RYK: variants seen among roughly 807,000 people sequenced by gnomAD.
RYK encodes inactive tyrosine-protein kinase RYK.
In RYK, 21 loss-of-function variants were observed where a neutral mutation model predicts 70.2. That is an observed-to-expected ratio of 0.30 (90% CI 0.21 to 0.43). RYK has a LOEUF of 0.43. Ranked by LOEUF, RYK falls within the 20% of genes least tolerant of loss-of-function variation. The pLI, the probability that RYK is intolerant of heterozygous loss-of-function variation, is 1.00. For synonymous variants in RYK, 267 were observed against 278.0 expected, an observed-to-expected ratio of 0.96 and a Z score of 0.39; for missense variants, 604 against 753.3, an observed-to-expected ratio of 0.80 and a Z score of 2.32.
At chr3:134,230,449 C>T (rs58703957) in intron 1 of RYK, among the ~76,000 whole-genome samples, 12,265 of 152,088 alleles carry the variant, frequency 0.081, 1,065 homozygotes, top group South Asian at 0.32. Context: ...AACAGATGAA[C>T]GGATAACCAA....
At position 134,222,523 on chromosome 3, in the gene RYK, A is replaced by G. The variant is rs774267206; in HGVS notation, c.249T>C (p.Leu83=). Residue 83 remains leucine, a synonymous_variant, in exon 2 of 15, where the codon CTT becomes CTC. Coordinates refer to ENST00000623711, the MANE Select transcript of RYK (RefSeq NM_002958.4). ...VRRLIGLDAE[L]YYVRNDLISH... ...TAATAAGGTCATTTCTCACATAATA[A>G]AGTTCTGCATCAAGACCTAGAAAAA... The G allele has an allele frequency of 2.4e-5, 39 of 1,610,718 alleles. No homozygotes were observed. Among genetic ancestry groups the G allele is most frequent in the Admixed American group, 3.3e-5 (2 of 59,794 alleles).
chr3:134,241,154 G>A (rs555344761), intron 1 of RYK, among the ~76,000 whole-genome samples: 17 of 142,344 alleles, frequency 1.2e-4, no homozygotes, highest in African/African-American at 4.0e-4. Context: ...GGCCAACATG[G>A]TGAAACGCCA....
At chr3:134,202,479 GA>G (rs960852483) in intron 6 of RYK, 2 of 405,820 alleles carry the variant, frequency 4.9e-6, no homozygotes, top group African/African-American at 4.2e-5. Flanking sequence ...AAAGGGAATA[GA>G]AAAAACTACT....
chr3:134,162,621 C>G (rs574495680), intron 13 of RYK, among the ~76,000 whole-genome samples: 16 of 152,252 alleles, frequency 1.1e-4, no homozygotes, highest in African/African-American at 3.6e-4. Context: ...AGGATGGTGC[C>G]TGCTCACAAC....
intron 2 of RYK, among the ~76,000 whole-genome samples, chr3:134,218,804 C>T (rs756013000): frequency 1.3e-5 from 2 of 152,066 alleles, no homozygotes; most frequent in African/African-American, 4.8e-5. Flanking sequence ...AGACCACTTC[C>T]GAATCCAGCA....
At position 134,211,907 on chromosome 3, in the gene RYK, T is replaced by C. The variant is rs554377930; in HGVS notation, c.355-300A>G. ...CTATGCAGCACTGACAGAGAGGCCATGGAGAGCCAGATATGAAGAACCAAA... is the reference window on the plus strand; with the variant it reads ...CTATGCAGCACTGACAGAGAGGCCACGGAGAGCCAGATATGAAGAACCAAA... On this transcript the variant is annotated intron_variant, in intron 2 of 14. Coordinates refer to ENST00000623711, the MANE Select transcript of RYK (RefSeq NM_002958.4). Among the ~76,000 whole-genome samples, 25 of 152,324 alleles carry C rather than the reference T, an allele frequency of 1.6e-4. 1 individual carries two copies. The South Asian group carries it at 5.0e-3, about 30-fold the overall frequency.
At chr3:134,247,163 C>T (rs2015487794) in intron 1 of RYK, among the ~76,000 whole-genome samples, 1 of 151,902 alleles carries the variant, frequency 6.6e-6, no homozygotes, top group Non-Finnish European at 1.5e-5. Context: ...CCTGTGTACA[C>T]AATAATGTAA....
intron 1 of RYK, among the ~76,000 whole-genome samples, chr3:134,223,275 A>G (rs2014794961): frequency 6.6e-6 from 1 of 152,192 alleles, no homozygotes; most frequent in Admixed American, 6.5e-5. Flanking sequence ...TCACTCCCAT[A>G]CCACCTTCTC....
chr3:134,211,644 G>A (rs748652153), intron 2 of RYK, 37 bp from the exon 3 acceptor site: 1 of 1,406,168 alleles, frequency 7.1e-7, no homozygotes, highest in Admixed American at 1.7e-5. Context: ...ATGGACCTGT[G>A]ATAACAAGAA....
intron 6 of RYK, among the ~76,000 whole-genome samples, chr3:134,195,897 G>A (rs1307950573): frequency 6.6e-6 from 1 of 151,560 alleles, no homozygotes; most frequent in African/African-American, 2.4e-5. Flanking sequence ...AGTGAGTCAA[G>A]ATTACGCCAC....
At chr3:134,205,896 A>T (rs886442434) in intron 5 of RYK, among the ~76,000 whole-genome samples, 3 of 152,138 alleles carry the variant, frequency 2.0e-5, no homozygotes, top group African/African-American at 7.2e-5. Flanking sequence ...ATACCGCCTA[A>T]CACACCACAG....
chr3:134,250,469 G>T lies in RYK; in HGVS notation c.186C>A (p.Pro62=). Residue 62 remains proline, a synonymous_variant, in exon 1 of 15, where the codon CCC becomes CCA. Transcript: ENST00000623711. Reference sequence around the variant, plus strand: ...CCTCGCTCAGGTAGAGACTCACGCTGGGCCCCGCGGAAGCCGACTGCAGCT... The same window carrying T: ...CCTCGCTCAGGTAGAGACTCACGCTTGGCCCCGCGGAAGCCGACTGCAGCT... The part of the protein sequence containing the change: ...PPELQSASAG[P]SVSLYLSEDE... The T allele has an allele frequency of 7.3e-7, 1 of 1,368,826 alleles. No individual in the cohort carries two copies. Among genetic ancestry groups the T allele is most frequent in the Non-Finnish European group, 9.5e-7 (1 of 1,055,932 alleles). 84.8% of individuals were successfully genotyped at this position (1,368,826 alleles called of 1,614,324 possible). A position where few individuals can be genotyped will look rare whatever the true frequency, so the allele number is the denominator to read the frequency against.
chr3:134,206,813 A>G (rs1166893700), intron 5 of RYK, among the ~76,000 whole-genome samples: 1 of 152,224 alleles, frequency 6.6e-6, no homozygotes, highest in African/African-American at 2.4e-5. Context: ...AGGCTGGGGG[A>G]TGGGCACATG....
intron 2 of RYK, among the ~76,000 whole-genome samples, chr3:134,220,445 A>G (rs544329647): frequency 6.6e-6 from 1 of 152,280 alleles, no homozygotes; most frequent in South Asian, 2.1e-4. Flanking sequence ...GGGAGACTGG[A>G]AGGCAAACAA....
rs2012410152 is a variant in RYK, at chr3:134,160,235, A to C, written c.1576-862T>G. On this transcript the variant is annotated intron_variant, in intron 13 of 14. Coordinates refer to ENST00000623711, the MANE Select transcript of RYK (RefSeq NM_002958.4). ...TTCAATACATTTAATTTCCTCAATA[A>C]ACCTGTGAGAATCATTGGTAGCTCA... Among the ~76,000 whole-genome samples, 3 of 152,288 alleles carry C rather than the reference A, an allele frequency of 2.0e-5. No individual in the cohort carries two copies. In the South Asian group the frequency reaches 6.2e-4, roughly 32 times the overall value.
At position 134,239,639 on chromosome 3, in the gene RYK, A is replaced by G. The variant is rs930002700; in HGVS notation, c.232+10784T>C. ...GCACAGGATAGTGAATTTTTTTGTA[A>G]GTATGATTCACTTGTTTACTCATTT... On this transcript the variant is annotated intron_variant, in intron 1 of 14. Coordinates refer to ENST00000623711, the MANE Select transcript of RYK (RefSeq NM_002958.4). 2.6e-5 allele frequency among the ~76,000 whole-genome samples: 4 copies of G among 152,136 alleles called. No homozygotes were observed. The South Asian group carries it at 8.3e-4, about 31-fold the overall frequency.
intron 1 of RYK, among the ~76,000 whole-genome samples, chr3:134,224,081 C>T (rs538286389): frequency 1.3e-5 from 2 of 152,186 alleles, no homozygotes; most frequent in East Asian, 3.9e-4. Context: ...TCCTTGTGTG[C>T]GGAGCCCAGA....
intron 5 of RYK, among the ~76,000 whole-genome samples, chr3:134,203,409 A>G (rs12635994): frequency 0.47 from 71,253 of 151,056 alleles, 17,433 homozygotes; most frequent in Middle Eastern, 0.64. Context: ...CAGTTTACAG[A>G]AAAAAAAAAT....
chr3:134,250,789 G>T lies in RYK; in HGVS notation c.-135C>A. 1 of 246,024 alleles carries T rather than the reference G, an allele frequency of 4.1e-6. No individual in the cohort carries two copies. The highest frequency in any genetic ancestry group is 6.4e-6 in the Non-Finnish European group (1 of 156,638). 15.2% of individuals were successfully genotyped at this position (246,024 alleles called of 1,614,324 possible). A position where few individuals can be genotyped will look rare whatever the true frequency, so the allele number is the denominator to read the frequency against. ...TCGCACCGCCGGCCCGTGGCAGCCA[G>T]CAGTGGCTTCAGACCTCCGGAGCGC... On this transcript the variant is annotated 5_prime_UTR_variant, in exon 1 of 15. The change creates a new upstream start codon in the 5' untranslated region. Transcript: ENST00000623711.
Sources: gnomAD v4.1 joint callset for allele counts (sites outside exome capture counted in the v4.1 genomes callset) on GRCh38, gnomAD v4.1.1 for gene constraint, MANE v1.5 for transcripts, NCBI Gene and HGNC (gene_info 2026-07-23, HGNC 2026-07-21) for gene names.